Variants in BMP7 observed in about 807,000 individuals in gnomAD.
BMP7 encodes the protein bone morphogenetic protein 7, also known as osteogenic protein 1.
A neutral mutation model predicts 41.2 loss-of-function variants in BMP7; 12 were observed. The observed-to-expected ratio is 0.29, with a 90% CI of 0.19 to 0.47. BMP7 has a LOEUF of 0.47. Among genes scored for constraint, BMP7 ranks in the 20% least tolerant of loss-of-function variants. BMP7 has a pLI of 0.99. For synonymous variants in BMP7, 248 were observed against 250.0 expected (o/e 0.99, Z 0.07); for missense variants, 467 against 606.0 (o/e 0.77, Z 2.41).
intron 2 of BMP7, chr20:57,225,905 T>G (rs535164876): frequency 2.3e-5 from 11 of 469,628 alleles, no homozygotes; most frequent in Admixed American, 2.1e-4. Context: ...GGGCAGGGAC[T>G]CGTGTCTGGT....
chr20:57,174,842 T>A lies in BMP7; in HGVS notation c.1035+89A>T. Reference sequence around the variant, plus strand: ...ATACTGGAGTCTTAACTGGCAGAGATGAGAAACAAGACTGAGCACAGACCC... The same window carrying A: ...ATACTGGAGTCTTAACTGGCAGAGAAGAGAAACAAGACTGAGCACAGACCC... On this transcript the variant is annotated intron_variant, in intron 5 of 6. Coordinates refer to ENST00000395863, the MANE Select transcript of BMP7 (RefSeq NM_001719.3). This position sits in a 1 kb window ranked among gnomAD's most constrained non-coding sequence, Gnocchi z 4.3. 7.1e-7 allele frequency: 1 copy of A among 1,406,660 alleles called. No individual in the cohort carries two copies. Among genetic ancestry groups the A allele is most frequent in the South Asian group, 1.2e-5 (1 of 82,018 alleles). The allele number at this position is 1,406,660 out of a possible 1,614,324, so 87.1% of individuals were successfully genotyped here. A position where few individuals can be genotyped will look rare whatever the true frequency, so the allele number is the denominator to read the frequency against.
At chr20:57,235,402 T>C (rs1271042043) in intron 1 of BMP7, among the ~76,000 whole-genome samples, 1 of 152,148 alleles carries the variant, frequency 6.6e-6, no homozygotes, top group Non-Finnish European at 1.5e-5. Flanking sequence ...GGTCAGAGGG[T>C]AGGCACGTTC....
At chr20:57,191,908 T>C (rs1474133465) in intron 3 of BMP7, among the ~76,000 whole-genome samples, 1 of 131,500 alleles carries the variant, frequency 7.6e-6, no homozygotes, top group African/African-American at 3.0e-5. Flanking sequence ...ATAGTATACA[T>C]ACTATATATT....
intron 1 of BMP7, among the ~76,000 whole-genome samples, chr20:57,263,099 C>T (rs1261729738): frequency 6.6e-6 from 1 of 152,174 alleles, no homozygotes; most frequent in African/African-American, 2.4e-5. Context: ...CAAACTGCAG[C>T]CCAGGTCTTC....
chr20:57,182,806 G>A (rs574762284), intron 4 of BMP7, among the ~76,000 whole-genome samples: 5 of 152,322 alleles, frequency 3.3e-5, no homozygotes, highest in Non-Finnish European at 5.9e-5. Context: ...CGCACAATGC[G>A]TTAACTTTAC....
chr20:57,190,379 TGAGTGAG>T (rs1984325293), intron 3 of BMP7, among the ~76,000 whole-genome samples: 3 of 125,998 alleles, frequency 2.4e-5, no homozygotes, highest in Non-Finnish European at 3.5e-5. Context: ...CTGGAGAGCG[TGAGTGAG>T]GAGCCCGAGG....
intron 1 of BMP7, among the ~76,000 whole-genome samples, chr20:57,241,722 G>C (rs1352598606): frequency 6.6e-6 from 1 of 152,190 alleles, no homozygotes; most frequent in Non-Finnish European, 1.5e-5. Flanking sequence ...CTTGTCATGA[G>C]CCCTGAGCCT....
At chr20:57,254,863 T>C (rs1402371305) in intron 1 of BMP7, among the ~76,000 whole-genome samples, 1 of 152,200 alleles carries the variant, frequency 6.6e-6, no homozygotes, top group African/African-American at 2.4e-5. Flanking sequence ...TACAGCATCT[T>C]GAGGAATTGC....
intron 4 of BMP7, among the ~76,000 whole-genome samples, chr20:57,183,360 T>C (rs1465210662): frequency 6.7e-6 from 1 of 150,050 alleles, no homozygotes; most frequent in African/African-American, 2.5e-5. Flanking sequence ...ACCTCCCCAT[T>C]TCTTCCTCCC....
At chr20:57,217,877 C>T (rs79946286) in intron 2 of BMP7, among the ~76,000 whole-genome samples, 5 of 152,296 alleles carry the variant, frequency 3.3e-5, no homozygotes, top group East Asian at 1.9e-4. Context: ...GGAAACCAGG[C>T]GTGTCTGCGC....
intron 3 of BMP7, among the ~76,000 whole-genome samples, chr20:57,188,564 A>T (rs1161859906): frequency 6.6e-6 from 1 of 151,536 alleles, no homozygotes; most frequent in Non-Finnish European, 1.5e-5. Flanking sequence ...AAAAAAAAAA[A>T]TCACCAAATT....
At chr20:57,223,184 C>T (rs4811827) in intron 2 of BMP7, among the ~76,000 whole-genome samples, 84,207 of 150,640 alleles carry the variant, frequency 0.56, 23,714 homozygotes, top group African/African-American at 0.59. Context: ...GAGCTGGGAT[C>T]GTGCCACTGC....
chr20:57,220,133 G>A (rs540031987), intron 2 of BMP7, among the ~76,000 whole-genome samples: 2 of 152,282 alleles, frequency 1.3e-5, no homozygotes, highest in East Asian at 3.9e-4. Flanking sequence ...GGAAAGCCAT[G>A]GGCATTGTTG....
intron 1 of BMP7, among the ~76,000 whole-genome samples, chr20:57,264,830 G>A (rs2066168685): frequency 6.6e-6 from 1 of 152,044 alleles, no homozygotes; most frequent in Admixed American, 6.5e-5. Context: ...TCGGGAGTTC[G>A]AGACCAGCCT....
At chr20:57,258,223 A>C (rs967494120) in intron 1 of BMP7, among the ~76,000 whole-genome samples, 4 of 152,222 alleles carry the variant, frequency 2.6e-5, no homozygotes, top group Non-Finnish European at 4.4e-5. Context: ...AAGGGAATTT[A>C]TGGAAAGTCT....
chr20:57,236,644 C>T (rs1328365447), intron 1 of BMP7, among the ~76,000 whole-genome samples: 1 of 151,970 alleles, frequency 6.6e-6, no homozygotes, highest in Non-Finnish European at 1.5e-5. Context: ...GATGGCGCAA[C>T]AGTGGCCAGA....
chr20:57,174,121 AGT>A lies in BMP7; in HGVS notation c.1035+808_1035+809del, dbSNP rs773802332. On this transcript the variant is annotated intron_variant, in intron 5 of 6. Transcript: ENST00000395863. This position sits in a 1 kb window ranked among gnomAD's most constrained non-coding sequence, Gnocchi z 4.3. The stretch of plus-strand genomic sequence containing the variant: ...GCTGGCTGTGTGCACGTACGCCCTG[AGT>A]GTGTCTGGGCATAATCCCCAGGGAA... 2.9e-4 allele frequency among the ~76,000 whole-genome samples: 44 copies of A among 152,058 alleles called. No individual in the cohort carries two copies. The highest frequency in any genetic ancestry group is 5.4e-4 in the Non-Finnish European group (37 of 68,006).
At chr20:57,250,622 CATGA>C (rs2066108525) in intron 1 of BMP7, among the ~76,000 whole-genome samples, 1 of 150,252 alleles carries the variant, frequency 6.7e-6, no homozygotes, top group Admixed American at 6.6e-5. Context: ...CTAAGTCTGA[CATGA>C]ATGGTGTTCA....
At chr20:57,258,650 T>C (rs1257811737) in intron 1 of BMP7, among the ~76,000 whole-genome samples, 2 of 152,216 alleles carry the variant, frequency 1.3e-5, no homozygotes, top group East Asian at 1.9e-4. Context: ...TAAATAACCA[T>C]AGATGCTAAA....
Sources: gnomAD v4.1 joint callset for allele counts (sites outside exome capture counted in the v4.1 genomes callset) on GRCh38, gnomAD v4.1.1 for gene constraint, Gnocchi (gnomAD v3.1) non-coding constraint, MANE v1.5 for transcripts, NCBI Gene and HGNC (gene_info 2026-07-23, HGNC 2026-07-21) for gene names.